FOLR2: variants seen among roughly 807,000 people sequenced by gnomAD.
FOLR2 encodes the protein folate receptor beta, also known as folate receptor 2 (fetal).
FOLR2 carries 14 observed loss-of-function variants against 20.4 expected under a neutral mutation model. The observed-to-expected ratio is 0.68, with a 90% confidence interval of 0.45 to 1.07. FOLR2 has a LOEUF of 1.07. Among genes scored for constraint, FOLR2 ranks in the 50% least tolerant of loss-of-function variants. The pLI, the probability that FOLR2 is intolerant of heterozygous loss-of-function variation, is 0.00. For missense variants in FOLR2, 269 were observed against 322.6 expected (o/e 0.83, Z 1.27); for synonymous variants, 114 against 114.3 (o/e 1.00, Z 0.02).
At chr11:72,217,345 T>G (rs1459647766) in intron 1 of FOLR2, 1 of 1,288,176 alleles carries the variant, frequency 7.8e-7, no homozygotes, top group South Asian at 1.2e-5. Context: ...AGAAAGATCA[T>G]GCTGGCTCCT....
intron 1 of FOLR2, among the ~76,000 whole-genome samples, chr11:72,218,116 A>C (rs1490024761): frequency 4.6e-5 from 7 of 152,140 alleles, no homozygotes. Flanking sequence ...TGCCTTCCCC[A>C]AGGCTAACCT....
At chr11:72,218,878 A>C (rs1458947635) in intron 2 of FOLR2, 144 bp downstream of exon 2, 1 of 702,350 alleles carries the variant, frequency 1.4e-6, no homozygotes, top group East Asian at 2.7e-5. Flanking sequence ...TGGAGTAGGA[A>C]GAGTGGCTGA....
chr11:72,216,805 T>C lies in FOLR2; in HGVS notation c.-145T>C. On this transcript the variant is annotated 5_prime_UTR_variant, in exon 1 of 5. Transcript: ENST00000298223. ...ACTCAGTGCTTACCAGAGCGCGTTGTCTACCCTGTACCGAAGACAGAGGCT... is the reference window on the plus strand; with the variant it reads ...ACTCAGTGCTTACCAGAGCGCGTTGCCTACCCTGTACCGAAGACAGAGGCT... The C allele has an allele frequency of 6.2e-6, 8 of 1,293,002 alleles. No homozygotes were observed. The highest frequency in any genetic ancestry group is 8.8e-6 in the Non-Finnish European group (8 of 907,122). The allele number at this position is 1,293,002 out of a possible 1,614,324, so 80.1% of individuals were successfully genotyped here.
At position 72,217,209 on chromosome 11, in the gene FOLR2, G is replaced by A. The variant is rs1376620385; in HGVS notation, c.-25+284G>A. 224 of 505,696 alleles carry A rather than the reference G, an allele frequency of 4.4e-4. 3 individuals are homozygous for A. The highest frequency in any genetic ancestry group is 4.0e-3 in the South Asian group (216 of 54,226). 31.3% of individuals were successfully genotyped at this position (505,696 alleles called of 1,614,324 possible). A position where few individuals can be genotyped will look rare whatever the true frequency, so the allele number is the denominator to read the frequency against. ...CTGGCTAATTTTTGTATTTTTAGTAGAGACGGGGTTTCATCATGTTGGTCA... is the reference window on the plus strand; with the variant it reads ...CTGGCTAATTTTTGTATTTTTAGTAAAGACGGGGTTTCATCATGTTGGTCA... On this transcript the variant is annotated intron_variant, in intron 1 of 4. Transcript: ENST00000298223.
rs200746182 is a variant in FOLR2, at chr11:72,221,001, C to T, written c.282C>T (p.Phe94=). ...GKMEPACKRH[F]IQDTCLYECS... ...TGGAGCCCGCCTGCAAGCGCCACTT[C>T]ATCCAGGACACCTGTCTCTATGAGT... Residue 94 remains phenylalanine (F), a synonymous_variant, in exon 3 of 5, where the codon TTC becomes TTT. Transcript: ENST00000298223. The T allele has an allele frequency of 6.2e-7, 1 of 1,613,988 alleles. No homozygotes were observed. The highest frequency in any genetic ancestry group is 8.5e-7 in the Non-Finnish European group (1 of 1,179,910).
intron 4 of FOLR2, 69 bp from the exon 5 acceptor site, chr11:72,221,401 G>A (rs1392314650): frequency 6.3e-7 from 1 of 1,595,670 alleles, no homozygotes; most frequent in African/African-American, 1.3e-5. Context: ...GAAGATTTCT[G>A]GGGGTGGCCA....
Position 72,216,830 on chromosome 11 carries a change from T to G in FOLR2, c.-120T>G. 22 of 1,524,772 alleles carry G rather than the reference T, an allele frequency of 1.4e-5. No homozygotes were observed. The highest frequency in any genetic ancestry group is 2.0e-5 in the Non-Finnish European group (22 of 1,112,522). The allele number at this position is 1,524,772 out of a possible 1,614,324, so 94.5% of individuals were successfully genotyped here. A position where few individuals can be genotyped will look rare whatever the true frequency, so the allele number is the denominator to read the frequency against. ...TCTACCCTGTACCGAAGACAGAGGCTGTGGGGACAGCCTAGGGGCCTGGAT... is the reference window on the plus strand; with the variant it reads ...TCTACCCTGTACCGAAGACAGAGGCGGTGGGGACAGCCTAGGGGCCTGGAT... On this transcript the variant is annotated 5_prime_UTR_variant, in exon 1 of 5. Transcript: ENST00000298223.
At chr11:72,219,851 T>C (rs1197838520) in intron 2 of FOLR2, among the ~76,000 whole-genome samples, 1 of 146,314 alleles carries the variant, frequency 6.8e-6, no homozygotes, top group Non-Finnish European at 1.5e-5. Flanking sequence ...TTTGCTTACT[T>C]TTTTTTTTTT....
intron 1 of FOLR2, chr11:72,217,425 T>C (rs1328317571): frequency 2.3e-6 from 3 of 1,284,218 alleles, no homozygotes; most frequent in Non-Finnish European, 3.0e-6. Flanking sequence ...AGAGCCATGG[T>C]CAGTAAGTTT....
Position 72,216,899 on chromosome 11 carries a change from A to T in FOLR2, c.-51A>T, listed in dbSNP as rs1188032265. On this transcript the variant is annotated 5_prime_UTR_variant, in exon 1 of 5. The change abolishes an upstream ATG in the 5' untranslated region. Transcript: ENST00000298223. ...GAGGCCAACTCAGACACAGCCGTGTATGCTCCCAGCAGCAACGGAGGTTCA... is the reference window on the plus strand; with the variant it reads ...GAGGCCAACTCAGACACAGCCGTGTTTGCTCCCAGCAGCAACGGAGGTTCA... 6.9e-6 allele frequency: 11 copies of T among 1,599,564 alleles called. No individual in the cohort carries two copies. Among genetic ancestry groups the T allele is most frequent in the Non-Finnish European group, 9.3e-6 (11 of 1,179,804 alleles).
intron 2 of FOLR2, 147 bp from the exon 3 acceptor site, chr11:72,220,723 G>T: frequency 1.1e-6 from 1 of 940,618 alleles, no homozygotes; most frequent in Non-Finnish European, 1.6e-6. Context: ...GGAGGCCTAG[G>T]AGAGAGGGAC....
At chr11:72,221,151 C>T (rs1948484261) in intron 3 of FOLR2, 25 bp from the exon 4 acceptor site, 4 of 1,586,960 alleles carry the variant, frequency 2.5e-6, no homozygotes, top group Middle Eastern at 3.3e-4. Context: ...CTGAGAGGAG[C>T]CCTGCCTCCC....
Position 72,221,467 on chromosome 11 carries a change from C to A in FOLR2, c.476-3C>A. ...TCTGTGTCCACCATGCCTCTCCCTG[C>A]AGGAGTTAACAAGTGCCCAGCTGGG... On this transcript the variant is annotated splice_region_variant and splice_polypyrimidine_tract_variant and intron_variant, in intron 4 of 4. Coordinates refer to ENST00000298223, the MANE Select transcript of FOLR2 (RefSeq NM_000803.5). The A allele has an allele frequency of 1.2e-6, 2 of 1,613,184 alleles. No homozygotes were observed. Among genetic ancestry groups the A allele is most frequent in the Non-Finnish European group, 1.7e-6 (2 of 1,179,362 alleles).
rs766114536 is a variant in FOLR2, at chr11:72,216,800, C to T, written c.-150C>T. On this transcript the variant is annotated 5_prime_UTR_variant, in exon 1 of 5. Transcript: ENST00000298223. ...ATTTCACTCAGTGCTTACCAGAGCG[C>T]GTTGTCTACCCTGTACCGAAGACAG... is the stretch of plus-strand genomic sequence containing the variant. 6.5e-5 allele frequency: 77 copies of T among 1,193,780 alleles called. No individual in the cohort carries two copies. Among genetic ancestry groups the T allele is most frequent in the South Asian group, 2.7e-4 (22 of 80,374 alleles). 73.9% of individuals were successfully genotyped at this position (1,193,780 alleles called of 1,614,324 possible).
chr11:72,217,274 C>T lies in FOLR2; in HGVS notation c.-25+349C>T, dbSNP rs113350612. 1.2e-4 allele frequency: 99 copies of T among 844,868 alleles called. No homozygotes were observed. In the African/African-American group the frequency reaches 1.6e-3, roughly 14 times the overall value. 52.3% of individuals were successfully genotyped at this position (844,868 alleles called of 1,614,324 possible). On this transcript the variant is annotated intron_variant, in intron 1 of 4. Transcript: ENST00000298223. ...TCTTGACCTCAGGATCCACCCACCT[C>T]GGCCTCCCAAAGTGCTGGGATTACA...
chr11:72,220,757 C>G (rs538869109), intron 2 of FOLR2, 113 bp from the exon 3 acceptor site: 2 of 1,384,670 alleles, frequency 1.4e-6, no homozygotes, highest in African/African-American at 2.9e-5. Flanking sequence ...CCTGAGTGTT[C>G]TCAGGACAAC....
Position 72,221,835 on chromosome 11 carries a change from C to T in FOLR2, c.*73C>T, listed in dbSNP as rs1948502074. ...GGCTCAGCTCAGCTCCCACAAATGA[C>T]AGCCCCTTAAGCATGCTTCTATTAG... On this transcript the variant is annotated 3_prime_UTR_variant, in exon 5 of 5. Transcript: ENST00000298223. 2.8e-6 allele frequency: 4 copies of T among 1,438,828 alleles called. No individual in the cohort carries two copies. The highest frequency in any genetic ancestry group is 3.8e-6 in the Non-Finnish European group (4 of 1,051,614). The allele number at this position is 1,438,828 out of a possible 1,614,324, so 89.1% of individuals were successfully genotyped here.
Position 72,218,616 on chromosome 11 carries a change from T to C in FOLR2, c.32T>C (p.Leu11Pro). The change falls in exon 2 of 5, where the codon CTT becomes CCT. Residue 11 changes from leucine to proline, a missense_variant. Coordinates refer to ENST00000298223, the MANE Select transcript of FOLR2 (RefSeq NM_000803.5). ...TGGAAATGGATGCCACTTCTGCTGC[T>C]TCTGGTCTGTGTAGCCACCATGTGC... MVWKWMPLLL[L>P]LVCVATMCSA... 6 of 1,613,642 alleles carry C rather than the reference T, an allele frequency of 3.7e-6. No homozygotes were observed. The highest frequency in any genetic ancestry group is 5.1e-6 in the Non-Finnish European group (6 of 1,179,742).
At chr11:72,217,626 A>G (rs1036493811) in intron 1 of FOLR2, among the ~76,000 whole-genome samples, 1 of 152,186 alleles carries the variant, frequency 6.6e-6, no homozygotes, top group Non-Finnish European at 1.5e-5. Context: ...CTGCTCCAAC[A>G]TGGGAAACTT....
Sources: allele counts gnomAD v4.1 joint callset (sites outside exome capture counted in the v4.1 genomes callset), GRCh38; gene constraint gnomAD v4.1.1; transcripts MANE v1.5; gene names NCBI Gene and HGNC (gene_info 2026-07-23, HGNC 2026-07-21).